The following FAM107A variants were observed in gnomAD, a reference collection of about 807,000 sequenced individuals.
FAM107A encodes family with sequence similarity 107 member A, also known as actin-associated protein FAM107A.
FAM107A carries 19 observed loss-of-function variants against 13.7 expected under a neutral mutation model. The observed-to-expected ratio is 1.38, with a 90% CI of 0.97 to 2.03. The LOEUF is 2.03. Among genes scored for constraint, FAM107A ranks in the 30% most tolerant of loss-of-function variants. The probability of loss-of-function intolerance (pLI) is 0.00; values close to 1 mark genes in which losing one functional copy is unlikely to be tolerated. For synonymous variants in FAM107A, 82 were observed against 74.5 expected (o/e 1.10, Z -0.52); for missense variants, 203 against 184.4 (o/e 1.10, Z -0.58).
chr3:58,584,645 T>C (rs1222688166), intron 1 of FAM107A, among the ~76,000 whole-genome samples: 2 of 152,160 alleles, frequency 1.3e-5, no homozygotes, highest in African/African-American at 2.4e-5. Context: ...GCAGGGAACA[T>C]ATGGCCGCTT....
intron 1 of FAM107A, among the ~76,000 whole-genome samples, chr3:58,575,561 T>A (rs1269292462): frequency 6.6e-6 from 1 of 152,166 alleles, no homozygotes; most frequent in African/African-American, 2.4e-5. Flanking sequence ...GCCAGGACCT[T>A]GGACGCCAAA....
intron 1 of FAM107A, among the ~76,000 whole-genome samples, chr3:58,624,693 A>G (rs1425871112): frequency 2.0e-5 from 3 of 152,036 alleles, no homozygotes; most frequent in Non-Finnish European, 2.9e-5. Flanking sequence ...TGCCCCTGAC[A>G]TTCCCCAGGG....
rs5849262 is a variant in FAM107A, at chr3:58,570,649, T to TAA, written c.-5-786_-5-785dup. Among the ~76,000 whole-genome samples the TAA allele has an allele frequency of 7.5e-4, 86 of 114,858 alleles. 7 individuals carry two copies. In the East Asian group the frequency reaches 0.016, roughly 21 times the overall value. 75.4% of individuals were successfully genotyped at this position (114,858 alleles called of 152,430 possible). A position where few individuals can be genotyped will look rare whatever the true frequency, so the allele number is the denominator to read the frequency against. The stretch of plus-strand genomic sequence containing the variant: ...AGAGAGAGAGAGAAAGAGACTGACT[T>TAA]AAAAAAAAAAAGGCCTCAAAGGTAT... On this transcript the variant is annotated intron_variant, in intron 1 of 3. Transcript: ENST00000360997.
At position 58,569,820 on chromosome 3, in the gene FAM107A, C is replaced by G. The variant is rs746518448; in HGVS notation, c.41G>C (p.Gly14Ala). ...EIQRERADIG[G>A]LMARPEYREW... is the part of the protein sequence containing the mutation. ...TCTGTATTCTGGCCGGGCCATCAGG[C>G]CCCCAATGTCTGCCCGCTCCCTCTG... The change falls in exon 2 of 4, where the codon GGC becomes GCC. Residue 14 changes from glycine (G) to alanine (A), a missense_variant. By Grantham distance (60) the Gly-to-Ala change is moderately conservative (BLOSUM62 0). Coordinates refer to ENST00000360997, the MANE Select transcript of FAM107A (RefSeq NM_001076778.3). The surrounding 1 kb of genome is among the most constrained non-coding windows in gnomAD (Gnocchi z 5.7). The G allele has an allele frequency of 6.2e-7, 1 of 1,614,070 alleles. No homozygotes were observed. The highest frequency in any genetic ancestry group is 1.7e-5 in the Admixed American group (1 of 60,018).
chr3:58,609,768 G>A (rs1196253386), intron 1 of FAM107A, among the ~76,000 whole-genome samples: 4 of 152,112 alleles, frequency 2.6e-5, no homozygotes, highest in African/African-American at 4.8e-5. Flanking sequence ...GACCAAAGTC[G>A]GGGCCCAGAA....
rs548530870 is a variant in FAM107A, at chr3:58,617,664, C to T, written c.-70+9752G>A. 2.6e-5 allele frequency among the ~76,000 whole-genome samples: 4 copies of T among 152,196 alleles called. No homozygotes were observed. Among genetic ancestry groups the T allele is most frequent in the South Asian group, 2.1e-4 (1 of 4,826 alleles). ...TTTGGGTTTCTGCCTGCGAGAAAAC[C>T]GGCTTTTGATTTGGCCCCTCTTGCA... is the stretch of plus-strand genomic sequence containing the variant. On this transcript the variant is annotated intron_variant, in intron 1 of 3. Coordinates refer to the FAM107A transcript ENST00000465970. The surrounding 1 kb of genome is among the most constrained non-coding windows in gnomAD (Gnocchi z 4.5).
chr3:58,599,749 G>T (rs912433922), intron 1 of FAM107A, among the ~76,000 whole-genome samples: 2 of 114,560 alleles, frequency 1.7e-5, no homozygotes, highest in African/African-American at 6.8e-5. Context: ...ACGGGATCCC[G>T]CTCTGTCACC....
intron 1 of FAM107A, among the ~76,000 whole-genome samples, chr3:58,606,802 G>T (rs918754087): frequency 6.6e-6 from 1 of 152,136 alleles, no homozygotes; most frequent in Non-Finnish European, 1.5e-5. Flanking sequence ...GTGACTTCTT[G>T]TCAACAGACC....
intron 1 of FAM107A, among the ~76,000 whole-genome samples, chr3:58,626,009 G>A (rs1284458166): frequency 6.6e-6 from 1 of 152,180 alleles, no homozygotes; most frequent in Non-Finnish European, 1.5e-5. Context: ...TTCCCACGAA[G>A]CAGGTACCAG....
chr3:58,605,817 A>G (rs1385506662), intron 1 of FAM107A, among the ~76,000 whole-genome samples: 1 of 152,188 alleles, frequency 6.6e-6, no homozygotes, highest in Non-Finnish European at 1.5e-5. Flanking sequence ...AGAGGGGTAC[A>G]GTGACTTGCC....
intron 1 of FAM107A, among the ~76,000 whole-genome samples, chr3:58,585,585 C>T (rs2065597515): frequency 6.6e-6 from 1 of 152,248 alleles, no homozygotes; most frequent in Non-Finnish European, 1.5e-5. Flanking sequence ...GTTTGCCTCG[C>T]GCTTTTGGCT....
intron 1 of FAM107A, among the ~76,000 whole-genome samples, chr3:58,625,959 G>T (rs1245311137): frequency 6.6e-6 from 1 of 152,200 alleles, no homozygotes; most frequent in Admixed American, 6.5e-5. Context: ...TGGGCTTGGG[G>T]TAGCACACTG....
Position 58,566,640 on chromosome 3 carries a change from C to T in FAM107A, c.383G>A (p.Arg128Lys), listed in dbSNP as rs1402185168. 3.1e-6 allele frequency: 5 copies of T among 1,614,086 alleles called. No individual in the cohort carries two copies. The highest frequency in any genetic ancestry group is 1.7e-5 in the Admixed American group (1 of 60,018). ...EDHAPEFIKV[R>K]ENLRRIATLT... ...TGTGGCAATTCTCCGCAGGTTTTCCCTGACTTTAATAAACTCGGGGGCGTG... is the reference window on the plus strand; with the variant it reads ...TGTGGCAATTCTCCGCAGGTTTTCCTTGACTTTAATAAACTCGGGGGCGTG... The change falls in exon 4 of 4, where the codon AGG becomes AAG. Residue 128 changes from arginine (R) to lysine (K), a missense_variant. By Grantham distance (26) the Arg-to-Lys change is conservative. Coordinates refer to ENST00000360997, the MANE Select transcript of FAM107A (RefSeq NM_001076778.3).
chr3:58,590,194 C>G (rs1295945266), upstream of FAM107A, among the ~76,000 whole-genome samples: 8 of 152,358 alleles, frequency 5.3e-5, no homozygotes, highest in East Asian at 5.8e-4. Context: ...ATGGCCCAAA[C>G]AGAACTCTTG....
At chr3:58,619,837 T>G (rs549138668) in intron 1 of FAM107A, among the ~76,000 whole-genome samples, 6 of 151,996 alleles carry the variant, frequency 3.9e-5, no homozygotes, top group Non-Finnish European at 5.9e-5. Context: ...GTTGTGCAGG[T>G]GGAAAGTGTG....
At chr3:58,589,819 C>T (rs748874996), upstream of FAM107A, among the ~76,000 whole-genome samples, 19 of 152,212 alleles carry the variant, frequency 1.2e-4, no homozygotes, top group Non-Finnish European at 2.6e-4. Flanking sequence ...GTGACAGTTT[C>T]TCAGACTTTC....
At chr3:58,611,993 T>G (rs1285769193) in intron 1 of FAM107A, among the ~76,000 whole-genome samples, 4 of 151,714 alleles carry the variant, frequency 2.6e-5, no homozygotes, top group African/African-American at 9.7e-5. Flanking sequence ...TTCATAGCAG[T>G]AGGTTCTTAA....
intron 1 of FAM107A, among the ~76,000 whole-genome samples, chr3:58,622,675 G>T (rs978488074): frequency 1.3e-5 from 2 of 152,174 alleles, no homozygotes; most frequent in Non-Finnish European, 2.9e-5. Flanking sequence ...TAGAAATCAG[G>T]AGGGCAATAC....
chr3:58,578,132 T>G (rs1394757328), upstream of FAM107A, among the ~76,000 whole-genome samples: 3 of 152,170 alleles, frequency 2.0e-5, no homozygotes, highest in Non-Finnish European at 4.4e-5. Flanking sequence ...AAGCACATAG[T>G]CAAAGCTCAG....
Sources: allele counts gnomAD v4.1 joint callset (sites outside exome capture counted in the v4.1 genomes callset), GRCh38; gene constraint gnomAD v4.1.1; non-coding constraint Gnocchi (gnomAD v3.1); transcripts MANE v1.5; gene names NCBI Gene and HGNC (gene_info 2026-07-23, HGNC 2026-07-21).